The following APPL1 variants were observed in gnomAD, a reference collection of about 807,000 sequenced individuals.
The protein encoded by APPL1 is adaptor protein, phosphotyrosine interacting with PH domain and leucine zipper 1.
Under a neutral mutation model 106.8 loss-of-function variants are expected in APPL1, and 42 were observed. The observed-to-expected ratio is 0.39, with a 90% CI of 0.31 to 0.51. APPL1 has a LOEUF of 0.51. Ranked by LOEUF, APPL1 falls within the 20% of genes least tolerant of loss-of-function variation. The pLI, the probability that APPL1 is intolerant of heterozygous loss-of-function variation, is 0.75. For synonymous variants in APPL1, 263 were observed against 281.8 expected (o/e 0.93, Z 0.67); for missense variants, 769 against 858.2 (o/e 0.90, Z 1.30).
At chr3:57,235,213 T>C (rs1157861816) in intron 1 of APPL1, among the ~76,000 whole-genome samples, 2 of 152,234 alleles carry the variant, frequency 1.3e-5, no homozygotes, top group Non-Finnish European at 2.9e-5. Context: ...TAAATTATCC[T>C]GAAGTAAGAC....
intron 19 of APPL1, among the ~76,000 whole-genome samples, chr3:57,261,800 G>A (rs547843234): frequency 1.3e-5 from 2 of 152,266 alleles, no homozygotes; most frequent in South Asian, 2.1e-4. Flanking sequence ...TTACAGGCGT[G>A]AGCCACCATA....
chr3:57,241,632 A>C (rs924500381), intron 5 of APPL1, among the ~76,000 whole-genome samples: 1 of 152,226 alleles, frequency 6.6e-6, no homozygotes, highest in African/African-American at 2.4e-5. Flanking sequence ...AATGTATTTT[A>C]AAGATGGAGT....
chr3:57,267,966 C>T lies in APPL1; in HGVS notation c.1893+174C>T, dbSNP rs146368688. 5,836 of 652,906 alleles carry T rather than the reference C, an allele frequency of 8.9e-3. 41 individuals carry two copies. The highest frequency in any genetic ancestry group is 0.012 in the Non-Finnish European group (4,523 of 379,752). The allele number at this position is 652,906 out of a possible 1,614,324, so 40.4% of individuals were successfully genotyped here. A position where few individuals can be genotyped will look rare whatever the true frequency, so the allele number is the denominator to read the frequency against. The stretch of plus-strand genomic sequence containing the variant: ...AATTAGTTGGGTGTGGTGTCGTGCA[C>T]CTGTAATCCCAGCTACTGAGGAGGT... On this transcript the variant is annotated intron_variant, in intron 20 of 21. Transcript: ENST00000288266.
Position 57,269,734 on chromosome 3 carries a change from A to G in APPL1, c.*47A>G, listed in dbSNP as rs1334415764. 8 of 1,588,076 alleles carry G rather than the reference A, an allele frequency of 5.0e-6. No individual in the cohort carries two copies. The highest frequency in any genetic ancestry group is 6.9e-6 in the Non-Finnish European group (8 of 1,158,774). On this transcript the variant is annotated 3_prime_UTR_variant, in exon 22 of 22. Transcript: ENST00000288266. ...TCCCCCTTGGAATTTGACAGTTTCT[A>G]TGGTGAAATGGCAGAAGGTAACAAC...
rs770562918 is a variant in APPL1 at position 57,227,849 on chromosome 3, G to C, written c.-35G>C. On this transcript the variant is annotated 5_prime_UTR_variant, in exon 1 of 22. Coordinates refer to ENST00000288266, the MANE Select transcript of APPL1 (RefSeq NM_012096.3). ...CCGGCGCGGGGAGCTGTGGGCGGCA[G>C]CTGCGTCTCCTGCCACCGCCCTCCC... 5 of 1,449,252 alleles carry C rather than the reference G, an allele frequency of 3.5e-6. No homozygotes were observed. In the South Asian group the frequency reaches 3.9e-5, roughly 11 times the overall value. 89.8% of individuals were successfully genotyped at this position (1,449,252 alleles called of 1,614,324 possible). A position where few individuals can be genotyped will look rare whatever the true frequency, so the allele number is the denominator to read the frequency against.
At chr3:57,242,274 AT>A (rs2060750482) in intron 6 of APPL1, 132 bp downstream of exon 6, 8 of 651,612 alleles carry the variant, frequency 1.2e-5, no homozygotes, top group Non-Finnish European at 2.0e-5. Flanking sequence ...TTAAATCAGT[AT>A]TGCTACTTAA....
intron 4 of APPL1, 85 bp downstream of exon 4, chr3:57,238,201 T>C (rs1391418143): frequency 2.0e-6 from 2 of 995,792 alleles, no homozygotes; most frequent in African/African-American, 3.3e-5. Context: ...TGAATAAAGC[T>C]CTATTAAAGA....
At position 57,272,351 on chromosome 3, in the gene APPL1, T is replaced by C. The variant is rs2060948023; in HGVS notation, c.*2664T>C. ...AGTCTAGTTTTTGCCACATCTGCAA[T>C]GATTATTGTTTAATTTCAAAAGAAT... On this transcript the variant is annotated 3_prime_UTR_variant, in exon 22 of 22. Coordinates refer to ENST00000288266, the MANE Select transcript of APPL1 (RefSeq NM_012096.3). 6.6e-6 allele frequency: 1 copy of C among 152,166 alleles called. No individual in the cohort carries two copies. Among genetic ancestry groups the C allele is most frequent in the Admixed American group, 6.5e-5 (1 of 15,278 alleles). 9.4% of individuals were successfully genotyped at this position (152,166 alleles called of 1,614,324 possible).
Position 57,257,349 on chromosome 3 carries a change from AC to A in APPL1, c.1355del (p.Pro452GlnfsTer6). On this transcript the variant is annotated frameshift_variant, in exon 15 of 22. Coordinates refer to ENST00000288266, the MANE Select transcript of APPL1 (RefSeq NM_012096.3). LOFTEE classifies it high-confidence loss of function. The part of the protein sequence containing the change: ...LSLDSLVAPD[T>X]PIQFDIISPV... ...TCTAGATTCTCTTGTTGCCCCAGAC[AC>A]CCCAATACAGTTTGACATAATTTCT... 2 of 1,613,984 alleles carry A rather than the reference AC, an allele frequency of 1.2e-6. No individual in the cohort carries two copies. The highest frequency in any genetic ancestry group is 1.7e-6 in the Non-Finnish European group (2 of 1,179,990).
At chr3:57,261,555 G>C (rs2060865500) in intron 19 of APPL1, among the ~76,000 whole-genome samples, 3 of 152,274 alleles carry the variant, frequency 2.0e-5, no homozygotes, top group African/African-American at 4.8e-5. Flanking sequence ...GTTTCACTCT[G>C]TCGCCCAGGC....
rs2060945682 is a variant in APPL1, at chr3:57,272,112, G to GTGTT, written c.*2426_*2429dup. The GTGTT allele has an allele frequency of 6.6e-6, 1 of 152,074 alleles. No homozygotes were observed. The highest frequency in any genetic ancestry group is 2.4e-5 in the African/African-American group (1 of 41,408). The allele number at this position is 152,074 out of a possible 1,614,324, so 9.4% of individuals were successfully genotyped here. A position where few individuals can be genotyped will look rare whatever the true frequency, so the allele number is the denominator to read the frequency against. On this transcript the variant is annotated 3_prime_UTR_variant, in exon 22 of 22. Coordinates refer to ENST00000288266, the MANE Select transcript of APPL1 (RefSeq NM_012096.3). ...CTCACATTCAGACTTACACTTAATG[G>GTGTT]TGTTAGAAATCAACAAAACTCCTTT...
chr3:57,247,218 C>T (rs1247012463), intron 8 of APPL1, among the ~76,000 whole-genome samples, 177 bp from the exon 9 acceptor site: 2 of 152,162 alleles, frequency 1.3e-5, no homozygotes, highest in Admixed American at 6.5e-5. Flanking sequence ...AGTCTAACTT[C>T]CTTAATGGCT....
intron 19 of APPL1, among the ~76,000 whole-genome samples, chr3:57,267,379 TTTATGTTGGGAACCAAACA>T (rs1174028542): frequency 5.3e-5 from 8 of 152,206 alleles, no homozygotes; most frequent in African/African-American, 9.7e-5. Context: ...TAGCCTCTCA[TTTATGTTGGGAACCAAACA>T]TTATGTTGGG....
At chr3:57,234,442 G>C (rs1212061501) in intron 1 of APPL1, among the ~76,000 whole-genome samples, 1 of 146,900 alleles carries the variant, frequency 6.8e-6, no homozygotes, top group African/African-American at 2.5e-5. Flanking sequence ...GGACTGCAGG[G>C]GCCCGCCACC....
chr3:57,240,465 C>G lies in APPL1; in HGVS notation c.286C>G (p.Leu96Val). ...LQQFSKVIDE[L>V]SSCHAVLSTQ... ...GCCTTTTTGGTCTTTCTTTTTCTAG[C>G]TTAGCTCTTGTCATGCAGTGCTTTC... The change falls in exon 5 of 22, where the codon CTT (leucine) becomes GTT (valine). Residue 96 changes from leucine (L) to valine (V), a missense_variant and splice_region_variant. Physicochemically the swap from Leu to Val is conservative, Grantham distance 32. Transcript: ENST00000288266. The G allele has an allele frequency of 1.9e-6, 3 of 1,613,380 alleles. No homozygotes were observed. The highest frequency in any genetic ancestry group is 2.5e-6 in the Non-Finnish European group (3 of 1,179,516).
Position 57,227,801 on chromosome 3 carries a change from CG to C in APPL1, c.-79del. The stretch of plus-strand genomic sequence containing the variant: ...GCAGCCCTTGCCGGAGAGGGCGGGC[CG>C]GGGTCAGCTGCGGCGGGCGGGCCGG... On this transcript the variant is annotated 5_prime_UTR_variant, in exon 1 of 22. Coordinates refer to ENST00000288266, the MANE Select transcript of APPL1 (RefSeq NM_012096.3). The C allele has an allele frequency of 2.4e-6, 3 of 1,241,006 alleles. No individual in the cohort carries two copies. Among genetic ancestry groups the C allele is most frequent in the Non-Finnish European group, 3.2e-6 (3 of 934,182 alleles). The allele number at this position is 1,241,006 out of a possible 1,614,324, so 76.9% of individuals were successfully genotyped here.
chr3:57,242,825 T>A, intron 6 of APPL1, 31 bp from the exon 7 acceptor site: 1 of 1,529,090 alleles, frequency 6.5e-7, no homozygotes, highest in South Asian at 1.1e-5. Context: ...AAAGTACTGT[T>A]GTATTGTTAA....
intron 19 of APPL1, 34 bp from the exon 20 acceptor site, chr3:57,267,708 C>G (rs1157275136): frequency 1.2e-6 from 2 of 1,601,972 alleles, no homozygotes; most frequent in Non-Finnish European, 1.7e-6. Context: ...GTTGTGAGAA[C>G]TGCCTGAATT....
Position 57,235,672 on chromosome 3 carries a change from A to G in APPL1, c.153+8A>G, listed in dbSNP as rs774393201. The G allele has an allele frequency of 5.6e-6, 9 of 1,594,884 alleles. No homozygotes were observed. The highest frequency in any genetic ancestry group is 6.0e-6 in the Non-Finnish European group (7 of 1,163,762). On this transcript the variant is annotated splice_region_variant and intron_variant, in intron 2 of 21. Transcript: ENST00000288266. Reference sequence around the variant, plus strand: ...CGGATTTATGATGCACAGGTAAAACACTAAGGACTAACTTGATGCTTTTAA... The same window carrying G: ...CGGATTTATGATGCACAGGTAAAACGCTAAGGACTAACTTGATGCTTTTAA...
Sources: gnomAD v4.1 joint callset for allele counts (sites outside exome capture counted in the v4.1 genomes callset) on GRCh38, gnomAD v4.1.1 for gene constraint, MANE v1.5 for transcripts, NCBI Gene and HGNC (gene_info 2026-07-23, HGNC 2026-07-21) for gene names.